GRID2: variants seen among roughly 807,000 people sequenced by gnomAD.
GRID2 encodes the protein glutamate receptor ionotropic, delta-2.
GRID2 carries 33 observed loss-of-function variants against 114.8 expected under a neutral mutation model. That is an observed-to-expected ratio of 0.29 (90% CI 0.22 to 0.38). The LOEUF is 0.38. GRID2 is among the 10% of genes least tolerant of loss of function. GRID2 has a pLI of 1.00. For missense variants in GRID2, 1,184 were observed against 1,257.7 expected (o/e 0.94, Z 0.89); for synonymous variants, 505 against 449.9 (o/e 1.12, Z -1.55).
At chr4:92,633,734 C>T (rs370417745) in intron 2 of GRID2, among the ~76,000 whole-genome samples, 9 of 152,188 alleles carry the variant, frequency 5.9e-5, no homozygotes, top group African/African-American at 2.2e-4. Flanking sequence ...ATAGATTAAA[C>T]TTAAGGGCAT....
chr4:93,713,182 G>A (rs1728630614), intron 14 of GRID2, among the ~76,000 whole-genome samples: 1 of 152,122 alleles, frequency 6.6e-6, no homozygotes, highest in Non-Finnish European at 1.5e-5. Flanking sequence ...CTTCTTTAAA[G>A]TTGGAACAGA....
At chr4:93,322,623 T>C (rs148755782) in intron 8 of GRID2, among the ~76,000 whole-genome samples, 3,855 of 152,218 alleles carry the variant, frequency 0.025, 82 homozygotes, top group Middle Eastern at 0.061. Context: ...AATCGCCACA[T>C]TGTCTTCCAC....
chr4:93,079,447 A>C (rs1287944137), intron 2 of GRID2, among the ~76,000 whole-genome samples: 2 of 151,718 alleles, frequency 1.3e-5, no homozygotes, highest in African/African-American at 4.8e-5. Flanking sequence ...GAATTTTGTA[A>C]TAAGGGAGAG....
chr4:92,848,296 A>G (rs1037955518), intron 2 of GRID2, among the ~76,000 whole-genome samples: 2 of 151,402 alleles, frequency 1.3e-5, no homozygotes. Context: ...GACTTAATGT[A>G]GAGACACAAG....
At chr4:93,076,939 A>T (rs1440516089) in intron 2 of GRID2, among the ~76,000 whole-genome samples, 1 of 152,160 alleles carries the variant, frequency 6.6e-6, no homozygotes, top group Non-Finnish European at 1.5e-5. Context: ...ATATTTCATT[A>T]AATTGTCATT....
chr4:92,518,509 A>G (rs1333161162), intron 1 of GRID2, among the ~76,000 whole-genome samples: 3 of 151,882 alleles, frequency 2.0e-5, no homozygotes, highest in Non-Finnish European at 2.9e-5. Flanking sequence ...TAAAATATGT[A>G]GAGAGAGACA....
intron 14 of GRID2, among the ~76,000 whole-genome samples, chr4:93,744,021 A>C (rs920443424): frequency 6.6e-6 from 1 of 152,176 alleles, no homozygotes; most frequent in African/African-American, 2.4e-5. Flanking sequence ...TATACTCTAT[A>C]AATGGAACGA....
In GRID2 at chr4:92,988,248, A is replaced by G. The variant is rs576342667; in HGVS notation, c.245-96747A>G. 1.4e-3 allele frequency among the ~76,000 whole-genome samples: 210 copies of G among 152,218 alleles called. 1 individual carries two copies. Among genetic ancestry groups the G allele is most frequent in the African/African-American group, 4.7e-3 (196 of 41,556 alleles). ...CAGCCATCTCAAGGCTCAACTGGGG[A>G]AGCATCAACTCTTAAGCTCAAACAG... On this transcript the variant is annotated intron_variant, in intron 2 of 15. Transcript: ENST00000282020.
At chr4:92,520,716 A>G (rs1724728408) in intron 1 of GRID2, among the ~76,000 whole-genome samples, 1 of 151,898 alleles carries the variant, frequency 6.6e-6, no homozygotes, top group South Asian at 2.1e-4. Flanking sequence ...AAGCTGGAAC[A>G]GTGACTCTTT....
At chr4:92,554,889 C>T (rs1335743351) in intron 1 of GRID2, among the ~76,000 whole-genome samples, 2 of 152,248 alleles carry the variant, frequency 1.3e-5, no homozygotes, top group African/African-American at 2.4e-5. Flanking sequence ...AATTTTCTCA[C>T]CTTTTGTCCT....
Position 92,369,027 on chromosome 4 carries a change from G to A in GRID2, c.88+64283G>A, listed in dbSNP as rs148179004. Among the ~76,000 whole-genome samples the A allele has an allele frequency of 1.7e-3, 253 of 151,580 alleles. 1 individual carries two copies. Among genetic ancestry groups the A allele is most frequent in the African/African-American group, 5.7e-3 (237 of 41,376 alleles). Reference sequence around the variant, plus strand: ...TCCATCCAATTATTTTACTCTTGCTGATTAAATAAATCTGATATAATCGCC... The same window carrying A: ...TCCATCCAATTATTTTACTCTTGCTAATTAAATAAATCTGATATAATCGCC... On this transcript the variant is annotated intron_variant, in intron 1 of 15. Transcript: ENST00000282020.
At chr4:93,445,090 T>TA (rs138001147) in intron 10 of GRID2, among the ~76,000 whole-genome samples, 1,904 of 152,162 alleles carry the variant, frequency 0.013, 30 homozygotes, top group African/African-American at 0.044. Flanking sequence ...TATCATGTGA[T>TA]GCCTCTGAGA....
chr4:92,931,972 G>A (rs1443364697), intron 2 of GRID2, among the ~76,000 whole-genome samples: 2 of 150,588 alleles, frequency 1.3e-5, no homozygotes, highest in Non-Finnish European at 3.0e-5. Flanking sequence ...AATTAATTTG[G>A]GATAAATCAC....
At position 92,320,082 on chromosome 4, in the gene GRID2, C is replaced by A. The variant is rs1451958433; in HGVS notation, c.88+15338C>A. Reference sequence around the variant, plus strand: ...GTACAGAAAATTCAATACAGGAAACCAAGAAAGAGAAACCATTTCGGGAGA... The same window carrying A: ...GTACAGAAAATTCAATACAGGAAACAAAGAAAGAGAAACCATTTCGGGAGA... On this transcript the variant is annotated intron_variant, in intron 1 of 15. Transcript: ENST00000282020. 2.6e-5 allele frequency among the ~76,000 whole-genome samples: 4 copies of A among 152,046 alleles called. No homozygotes were observed. The East Asian group carries it at 7.7e-4, about 29-fold the overall frequency.
chr4:93,160,937 A>C (rs1665599840), intron 4 of GRID2, among the ~76,000 whole-genome samples: 1 of 151,766 alleles, frequency 6.6e-6, no homozygotes. Flanking sequence ...TGGTATTAAC[A>C]CTGAATGATG....
At chr4:93,780,946 AAAG>A (rs1734467032) in intron 1 of GRID2, among the ~76,000 whole-genome samples, 1 of 152,250 alleles carries the variant, frequency 6.6e-6, no homozygotes, top group Admixed American at 6.5e-5. Flanking sequence ...TCTAGAAAAG[AAAG>A]AAGATACAGA....
intron 4 of GRID2, among the ~76,000 whole-genome samples, chr4:93,137,054 A>G (rs1031449827): frequency 5.9e-5 from 9 of 152,200 alleles, no homozygotes; most frequent in Admixed American, 2.0e-4. Context: ...AACAAAATAT[A>G]TAATTGTTTA....
intron 8 of GRID2, among the ~76,000 whole-genome samples, chr4:93,340,242 T>C (rs4599371): frequency 4.0e-4 from 8 of 19,816 alleles, no homozygotes; most frequent in African/African-American, 2.5e-3. Context: ...TCTCCTCTCT[T>C]TTTTTTTTTT....
At chr4:92,336,645 A>C (rs575062489) in intron 1 of GRID2, among the ~76,000 whole-genome samples, 3 of 152,212 alleles carry the variant, frequency 2.0e-5, no homozygotes, top group Non-Finnish European at 4.4e-5. Context: ...TACTGTGCTT[A>C]AAATCTGTAT....
Sources: gnomAD v4.1 joint callset for allele counts (sites outside exome capture counted in the v4.1 genomes callset) on GRCh38, gnomAD v4.1.1 for gene constraint, MANE v1.5 for transcripts, NCBI Gene and HGNC (gene_info 2026-07-23, HGNC 2026-07-21) for gene names.